The following ITFG1 variants were observed in gnomAD, a reference collection of about 807,000 sequenced individuals.
ITFG1 encodes the protein T-cell immunomodulatory protein.
Under a neutral mutation model 81.8 loss-of-function variants are expected in ITFG1, and 34 were observed. The observed-to-expected ratio is 0.42, with a 90% CI of 0.32 to 0.55. The LOEUF is 0.55. ITFG1 is among the 20% of genes least tolerant of loss of function. The pLI, the probability that ITFG1 is intolerant of heterozygous loss-of-function variation, is 0.17. For synonymous variants in ITFG1, 285 were observed against 270.6 expected (o/e 1.05, Z -0.52); for missense variants, 672 against 755.4 (o/e 0.89, Z 1.29).
At chr16:47,272,552 C>T (rs1188184133) in intron 10 of ITFG1, among the ~76,000 whole-genome samples, 6 of 152,040 alleles carry the variant, frequency 3.9e-5, no homozygotes, top group African/African-American at 1.2e-4. Flanking sequence ...CGCGCCACCA[C>T]GCCCAGCTAA....
At chr16:47,451,062 G>A (rs1280795546) in intron 5 of ITFG1, among the ~76,000 whole-genome samples, 1 of 152,218 alleles carries the variant, frequency 6.6e-6, no homozygotes, top group Non-Finnish European at 1.5e-5. Context: ...CATGACTAAG[G>A]TACTAAGATA....
At chr16:47,254,094 T>C (rs1268277977) in intron 12 of ITFG1, among the ~76,000 whole-genome samples, 1 of 152,040 alleles carries the variant, frequency 6.6e-6, no homozygotes, top group East Asian at 1.9e-4. Flanking sequence ...AAGAAGTCTG[T>C]GTTGCATTAT....
chr16:47,372,386 T>C (rs560371677), intron 7 of ITFG1, among the ~76,000 whole-genome samples: 19 of 152,004 alleles, frequency 1.2e-4, no homozygotes, highest in African/African-American at 4.3e-4. Flanking sequence ...TTGGGAGACA[T>C]ATCTCTATTC....
chr16:47,329,840 C>T (rs977782398), intron 8 of ITFG1, among the ~76,000 whole-genome samples: 1 of 152,064 alleles, frequency 6.6e-6, no homozygotes, highest in African/African-American at 2.4e-5. Context: ...CGTCGAGAGC[C>T]CATATTCTCG....
chr16:47,392,293 A>G (rs1211224759), intron 6 of ITFG1, among the ~76,000 whole-genome samples: 4 of 152,142 alleles, frequency 2.6e-5, no homozygotes, highest in African/African-American at 9.7e-5. Context: ...AAACCACAAA[A>G]CAAATAGATG....
chr16:47,349,665 A>C (rs1017702999), intron 8 of ITFG1, among the ~76,000 whole-genome samples: 3 of 152,180 alleles, frequency 2.0e-5, no homozygotes, highest in Admixed American at 6.5e-5. Flanking sequence ...AGAGAAAGTT[A>C]ACAAGGATAT....
chr16:47,372,614 T>C (rs191908972), intron 7 of ITFG1, among the ~76,000 whole-genome samples: 1 of 151,984 alleles, frequency 6.6e-6, no homozygotes, highest in African/African-American at 2.4e-5. Context: ...CCACCACACC[T>C]AGCTAATTTT....
At chr16:47,407,024 C>T (rs554376292) in intron 6 of ITFG1, among the ~76,000 whole-genome samples, 1 of 151,952 alleles carries the variant, frequency 6.6e-6, no homozygotes, top group Admixed American at 6.6e-5. Flanking sequence ...AATGGAAGGT[C>T]GAGGAGATAA....
At chr16:47,375,521 A>C (rs1453019847) in intron 7 of ITFG1, among the ~76,000 whole-genome samples, 1 of 152,150 alleles carries the variant, frequency 6.6e-6, no homozygotes, top group East Asian at 1.9e-4. Context: ...AAGGGGAAAA[A>C]TTGGTCTTTT....
At chr16:47,418,987 T>C (rs192651922) in intron 6 of ITFG1, among the ~76,000 whole-genome samples, 5 of 152,336 alleles carry the variant, frequency 3.3e-5, no homozygotes, top group Middle Eastern at 3.4e-3. Flanking sequence ...TTTGGAAATA[T>C]GGTCATATAA....
chr16:47,381,856 T>C (rs942734011), intron 6 of ITFG1, among the ~76,000 whole-genome samples: 3 of 152,156 alleles, frequency 2.0e-5, no homozygotes, highest in South Asian at 2.1e-4. Context: ...AGGTCATCAA[T>C]TGAAATGCTA....
At chr16:47,337,430 C>T (rs1002796369) in intron 8 of ITFG1, among the ~76,000 whole-genome samples, 2 of 151,972 alleles carry the variant, frequency 1.3e-5, no homozygotes, top group East Asian at 3.9e-4. Context: ...CTTAGCTGGG[C>T]GTGGTGGTGG....
At chr16:47,355,495 G>A (rs531868603) in intron 8 of ITFG1, among the ~76,000 whole-genome samples, 1 of 152,242 alleles carries the variant, frequency 6.6e-6, no homozygotes, top group South Asian at 2.1e-4. Flanking sequence ...TAGCTGTGAT[G>A]TATTGTGTAT....
intron 8 of ITFG1, among the ~76,000 whole-genome samples, chr16:47,323,814 G>C (rs1016676826): frequency 2.0e-5 from 3 of 152,052 alleles, no homozygotes; most frequent in Non-Finnish European, 4.4e-5. Flanking sequence ...GATGATGGTG[G>C]AAATGTTTCC....
chr16:47,294,537 A>C (rs982478451), intron 10 of ITFG1, among the ~76,000 whole-genome samples: 2 of 152,062 alleles, frequency 1.3e-5, no homozygotes, highest in African/African-American at 4.8e-5. Context: ...TTCTTTCATC[A>C]AAGTTTTGTA....
chr16:47,394,130 A>G (rs1414531680), intron 6 of ITFG1, among the ~76,000 whole-genome samples: 2 of 152,226 alleles, frequency 1.3e-5, no homozygotes, highest in African/African-American at 2.4e-5. Context: ...TTTTTGTAAG[A>G]GAACTCATTG....
chr16:47,357,868 C>T (rs1968061283), intron 8 of ITFG1, among the ~76,000 whole-genome samples: 1 of 151,968 alleles, frequency 6.6e-6, no homozygotes, highest in Admixed American at 6.6e-5. Flanking sequence ...ATGAAGCAGC[C>T]ATTTTATAAT....
chr16:47,271,742 C>T (rs1428504662), intron 10 of ITFG1, among the ~76,000 whole-genome samples: 1 of 152,084 alleles, frequency 6.6e-6, no homozygotes. Flanking sequence ...GCCTGTAGTC[C>T]CAGCTACTTG....
chr16:47,181,411 G>T (rs112428131), intron 14 of ITFG1, among the ~76,000 whole-genome samples: 1 of 140,550 alleles, frequency 7.1e-6, no homozygotes, highest in Admixed American at 6.9e-5. Context: ...GGGGGGGTCA[G>T]CCCCCCCGCC....
Sources: allele counts gnomAD v4.1 joint callset (sites outside exome capture counted in the v4.1 genomes callset), GRCh38; gene constraint gnomAD v4.1.1; transcripts MANE v1.5; gene names NCBI Gene and HGNC (gene_info 2026-07-23, HGNC 2026-07-21).